The following PLEKHA8 variants were observed in gnomAD, a reference collection of about 807,000 sequenced individuals.
PLEKHA8 encodes the protein pleckstrin homology domain-containing family A member 8.
A neutral mutation model predicts 68.2 loss-of-function variants in PLEKHA8; 36 were observed. The ratio of observed to expected loss-of-function variants is 0.53; its 90% CI spans 0.40 to 0.70. The LOEUF (loss-of-function observed/expected upper bound fraction) is 0.70. Among genes scored for constraint, PLEKHA8 ranks in the 30% least tolerant of loss-of-function variants. The pLI, the probability that PLEKHA8 is intolerant of heterozygous loss-of-function variation, is 0.00. For missense variants in PLEKHA8, 505 were observed against 615.4 expected, an observed-to-expected ratio of 0.82 and a Z score of 1.90; for synonymous variants, 211 against 216.1, an observed-to-expected ratio of 0.98 and a Z score of 0.20.
chr7:30,116,807 C>G (rs373745323), intron 13 of PLEKHA8, among the ~76,000 whole-genome samples: 1 of 152,144 alleles, frequency 6.6e-6, no homozygotes, highest in Admixed American at 6.5e-5. Context: ...TGTCTGAAGT[C>G]GTTCCCCAAC....
chr7:30,114,557 C>T (rs1796368106), intron 13 of PLEKHA8, among the ~76,000 whole-genome samples: 1 of 152,212 alleles, frequency 6.6e-6, no homozygotes. Flanking sequence ...GTTTATTTTA[C>T]ATTCCCTTTC....
At chr7:30,109,066 G>A (rs573474174) in intron 13 of PLEKHA8, among the ~76,000 whole-genome samples, 3 of 152,210 alleles carry the variant, frequency 2.0e-5, no homozygotes, top group South Asian at 2.1e-4. Context: ...GGAGGACAGC[G>A]ATTACATATC....
At chr7:30,112,714 G>GA (rs59606022) in intron 13 of PLEKHA8, among the ~76,000 whole-genome samples, 20,998 of 137,832 alleles carry the variant, frequency 0.15, 1,512 homozygotes, top group Middle Eastern at 0.2. Context: ...GACCCAGTCT[G>GA]AAAAAAAAAA....
At chr7:30,105,615 G>C (rs951326159) in intron 13 of PLEKHA8, among the ~76,000 whole-genome samples, 1 of 152,158 alleles carries the variant, frequency 6.6e-6, no homozygotes, top group South Asian at 2.1e-4. Context: ...AATTCACAAA[G>C]AAATGATAGA....
intron 1 of PLEKHA8, among the ~76,000 whole-genome samples, chr7:30,034,464 G>A (rs907725605): frequency 2.6e-5 from 4 of 152,076 alleles, no homozygotes; most frequent in Non-Finnish European, 4.4e-5. Flanking sequence ...AGTAGCCTGC[G>A]AATAACCAAA....
intron 10 of PLEKHA8, among the ~76,000 whole-genome samples, chr7:30,061,274 T>C (rs1793415877): frequency 6.6e-6 from 1 of 152,240 alleles, no homozygotes; most frequent in South Asian, 2.1e-4. Flanking sequence ...TGATAAGTTA[T>C]ATTTTTCTAA....
At chr7:30,035,088 T>C (rs745759168) in intron 1 of PLEKHA8, among the ~76,000 whole-genome samples, 1 of 152,132 alleles carries the variant, frequency 6.6e-6, no homozygotes, top group Non-Finnish European at 1.5e-5. Flanking sequence ...CTCTTTACGA[T>C]GTAATCTATG....
intron 1 of PLEKHA8, among the ~76,000 whole-genome samples, chr7:30,040,625 T>A (rs1196712797): frequency 6.6e-6 from 1 of 152,150 alleles, no homozygotes. Flanking sequence ...AGAAGGGAGT[T>A]TTCATCAATG....
chr7:30,104,132 A>G (rs1480184357), intron 13 of PLEKHA8, among the ~76,000 whole-genome samples: 1 of 152,248 alleles, frequency 6.6e-6, no homozygotes, highest in Non-Finnish European at 1.5e-5. Context: ...GGGTAATGCA[A>G]AATAAAACTA....
rs200443374 is a variant in PLEKHA8, at chr7:30,109,117, ACTCT to A, written c.1363-20142_1363-20139del. On this transcript the variant is annotated intron_variant, in intron 13 of 13. Coordinates refer to the PLEKHA8 transcript ENST00000396257. ...TACCGTTAGTCATCTCTAATTGTTC[ACTCT>A]CTCTCTTTCTCTCTCTCTATAAAGT... 7.7e-3 allele frequency among the ~76,000 whole-genome samples: 1,170 copies of A among 151,764 alleles called. 21 individuals carry two copies. Among genetic ancestry groups the A allele is most frequent in the African/African-American group, 0.026 (1,089 of 41,362 alleles).
intron 1 of PLEKHA8, 98 bp downstream of exon 1, chr7:30,028,900 G>T (rs1790425399): frequency 8.4e-7 from 1 of 1,188,332 alleles, no homozygotes; most frequent in Non-Finnish European, 1.1e-6. Context: ...AGGGGGTCAC[G>T]GCCCTTTCCT....
intron 9 of PLEKHA8, 65 bp from the exon 10 acceptor site, chr7:30,060,819 T>C: frequency 7.7e-7 from 1 of 1,295,860 alleles, no homozygotes; most frequent in African/African-American, 1.5e-5. Context: ...ATTATTACTT[T>C]ATTATAAAAA....
chr7:30,069,713 T>A (rs972268443), intron 12 of PLEKHA8: 1 of 152,218 alleles, frequency 6.6e-6, no homozygotes, highest in South Asian at 2.1e-4. Flanking sequence ...GACAGAATGG[T>A]GTGATGCAAC....
At chr7:30,050,025 T>A (rs1353609144) in intron 5 of PLEKHA8, among the ~76,000 whole-genome samples, 1 of 152,228 alleles carries the variant, frequency 6.6e-6, no homozygotes, top group African/African-American at 2.4e-5. Context: ...TTCCTTGTTT[T>A]GTACTGAAAT....
intron 1 of PLEKHA8, among the ~76,000 whole-genome samples, chr7:30,033,081 A>G (rs1399154688): frequency 6.6e-6 from 1 of 152,268 alleles, no homozygotes; most frequent in African/African-American, 2.4e-5. Flanking sequence ...CATCTGGAGT[A>G]TGAGGATTCT....
At position 30,056,360 on chromosome 7, in the gene PLEKHA8, C is replaced by CACATAT. The variant is rs1792922438; in HGVS notation, c.1039+1019_1039+1020insCATATA. 2.5e-5 allele frequency among the ~76,000 whole-genome samples: 3 copies of CACATAT among 122,238 alleles called. 1 individual carries two copies. The highest frequency in any genetic ancestry group is 9.3e-5 in the African/African-American group (3 of 32,218). 80.2% of individuals were successfully genotyped at this position (122,238 alleles called of 152,430 possible). On this transcript the variant is annotated intron_variant, in intron 9 of 13. Coordinates refer to ENST00000449726, the MANE Select transcript of PLEKHA8 (RefSeq NM_001197026.2). ...TAACATATATATAATATATATAACA[C>CACATAT]ATATATATATAAATAACATATATAT...
At position 30,096,363 on chromosome 7, in the gene PLEKHA8, C is replaced by T. The variant is rs191277489; in HGVS notation, c.1362+22231C>T. On this transcript the variant is annotated intron_variant, in intron 13 of 13. Transcript: ENST00000396257. ...TGTATAAGAATGCTTGGGATTTTTG[C>T]ACATTGATTTTGTATCCTGAGACTT... is the stretch of plus-strand genomic sequence containing the variant. Among the ~76,000 whole-genome samples, 308 of 152,248 alleles carry T rather than the reference C, an allele frequency of 2.0e-3. 2 individuals carry two copies. The highest frequency in any genetic ancestry group is 7.0e-3 in the African/African-American group (292 of 41,548).
chr7:30,098,734 C>T (rs947168308), intron 13 of PLEKHA8, among the ~76,000 whole-genome samples: 1 of 152,228 alleles, frequency 6.6e-6, no homozygotes, highest in Non-Finnish European at 1.5e-5. Flanking sequence ...ATCTGTCACC[C>T]CTTTCTTTGA....
At chr7:30,074,432 T>C (rs1380722900) in intron 13 of PLEKHA8, among the ~76,000 whole-genome samples, 6 of 152,204 alleles carry the variant, frequency 3.9e-5, no homozygotes, top group African/African-American at 1.4e-4. Context: ...GAGTTGATGC[T>C]TTACCCTAGC....
Sources: allele counts gnomAD v4.1 joint callset (sites outside exome capture counted in the v4.1 genomes callset), GRCh38; gene constraint gnomAD v4.1.1; transcripts MANE v1.5; gene names NCBI Gene and HGNC (gene_info 2026-07-23, HGNC 2026-07-21).